The following PDE3B variants were observed in gnomAD, a reference collection of about 807,000 sequenced individuals.
PDE3B encodes cGMP-inhibited 3',5'-cyclic phosphodiesterase 3B.
A neutral mutation model predicts 116.8 loss-of-function variants in PDE3B; 66 were observed. The observed-to-expected ratio is 0.56, with a 90% CI of 0.46 to 0.69. The LOEUF (loss-of-function observed/expected upper bound fraction) is 0.69, where lower values mean the gene tolerates loss of function less well. Ranked by LOEUF, PDE3B falls within the 30% of genes least tolerant of loss-of-function variation. PDE3B has a pLI of 0.00. For missense variants in PDE3B, 1,384 were observed against 1,368.1 expected (o/e 1.01, Z -0.18); for synonymous variants, 595 against 533.6 (o/e 1.12, Z -1.59).
intron 1 of PDE3B, among the ~76,000 whole-genome samples, chr11:14,712,510 T>C (rs1229845785): frequency 1.5e-5 from 2 of 133,980 alleles, no homozygotes; most frequent in Non-Finnish European, 3.1e-5. Context: ...AGTCTTGTCC[T>C]GTTGCCTGTG....
At chr11:14,841,347 C>A (rs10160291) in intron 11 of PDE3B, among the ~76,000 whole-genome samples, 89,415 of 140,112 alleles carry the variant, frequency 0.64, 29,304 homozygotes, top group Non-Finnish European at 0.72. Context: ...CTCTCTCTCT[C>A]TATATATATA....
At chr11:14,762,004 G>C (rs1200097214) in intron 1 of PDE3B, among the ~76,000 whole-genome samples, 1 of 151,988 alleles carries the variant, frequency 6.6e-6, no homozygotes. Flanking sequence ...TTAATATGCA[G>C]TTCTAAAATA....
rs201824316 is a variant in PDE3B at position 14,665,671 on chromosome 11, G to A, written c.978+20618G>A. Among the ~76,000 whole-genome samples the A allele has an allele frequency of 3.9e-5, 6 of 152,230 alleles. No homozygotes were observed. In the East Asian group the frequency reaches 1.2e-3, roughly 29 times the overall value. ...CATGAGTGAACTCCCATTCACAATT[G>A]CTTCATTCACAATTTGATTCCTGGA... On this transcript the variant is annotated intron_variant, in intron 1 of 15. Transcript: ENST00000282096.
chr11:14,661,590 G>A (rs995934249), intron 1 of PDE3B, among the ~76,000 whole-genome samples: 4 of 152,140 alleles, frequency 2.6e-5, no homozygotes, highest in Non-Finnish European at 5.9e-5. Flanking sequence ...TGGAAAATCG[G>A]GTCACTCCCA....
At chr11:14,892,222 T>A in the PDE3B span, 1 of 1,606,106 alleles carries the variant, frequency 6.2e-7, no homozygotes, top group South Asian at 1.1e-5. Context: ...GAGCTGGAGG[T>A]GCGAACTCCA....
At chr11:14,674,039 C>CAAG in intron 1 of PDE3B, 1 of 1,498,808 alleles carries the variant, frequency 6.7e-7, no homozygotes, top group Non-Finnish European at 9.3e-7. Flanking sequence ...GTAATTAAGT[C>CAAG]CCAGTCATCA....
At chr11:14,690,758 G>T (rs1013110797) in intron 1 of PDE3B, among the ~76,000 whole-genome samples, 3 of 151,954 alleles carry the variant, frequency 2.0e-5, no homozygotes, top group African/African-American at 4.8e-5. Context: ...ATGCATTGGG[G>T]TAGCTAAGGA....
At chr11:14,716,332 G>A (rs530656218) in intron 1 of PDE3B, among the ~76,000 whole-genome samples, 1 of 152,106 alleles carries the variant, frequency 6.6e-6, no homozygotes, top group Non-Finnish European at 1.5e-5. Flanking sequence ...AGGCGGCAGC[G>A]AGGCTGGGGG....
At chr11:14,869,350 T>C in intron 15 of PDE3B, 111 bp from the exon 16 acceptor site, 1 of 652,800 alleles carries the variant, frequency 1.5e-6, no homozygotes, top group East Asian at 2.9e-5. Context: ...TTTATAGTAC[T>C]GTTTACTTTT....
the PDE3B span, among the ~76,000 whole-genome samples, chr11:14,877,173 G>A: frequency 6.6e-6 from 1 of 152,050 alleles, no homozygotes; most frequent in Non-Finnish European, 1.5e-5. Flanking sequence ...TTTGTTTAGG[G>A]CAGTCATAAT....
chr11:14,813,114 T>C (rs1467697611), intron 5 of PDE3B, among the ~76,000 whole-genome samples: 1 of 152,206 alleles, frequency 6.6e-6, no homozygotes, highest in Non-Finnish European at 1.5e-5. Context: ...AAATTTCTCT[T>C]ATTTATAAAA....
intron 12 of PDE3B, 132 bp downstream of exon 12, chr11:14,844,158 A>T: frequency 4.6e-6 from 3 of 650,750 alleles, no homozygotes; most frequent in Non-Finnish European, 8.1e-6. Flanking sequence ...ATTTTAATTA[A>T]TTGGATAACA....
chr11:14,687,783 G>C (rs561209923), intron 1 of PDE3B, among the ~76,000 whole-genome samples: 138 of 152,242 alleles, frequency 9.1e-4, no homozygotes, highest in African/African-American at 3.2e-3. Context: ...ATGACATACA[G>C]TTCTGTTTAT....
At chr11:14,766,231 A>G (rs779490548) in intron 1 of PDE3B, among the ~76,000 whole-genome samples, 1 of 151,714 alleles carries the variant, frequency 6.6e-6, no homozygotes, top group Non-Finnish European at 1.5e-5. Context: ...GGTTCATTGT[A>G]TATCGTCATA....
intron 1 of PDE3B, among the ~76,000 whole-genome samples, chr11:14,732,192 G>A (rs559689319): frequency 1.2e-4 from 19 of 152,202 alleles, no homozygotes; most frequent in Non-Finnish European, 7.4e-5. Context: ...AGGTGCAGGT[G>A]GGGGGCAGTA....
At chr11:14,721,116 A>G (rs1400356759) in intron 1 of PDE3B, among the ~76,000 whole-genome samples, 1 of 149,844 alleles carries the variant, frequency 6.7e-6, no homozygotes, top group African/African-American at 2.5e-5. Flanking sequence ...TGGGCAAAGG[A>G]CATGAACAGA....
intron 12 of PDE3B, among the ~76,000 whole-genome samples, chr11:14,855,519 G>A (rs782719629): frequency 7.9e-5 from 12 of 152,264 alleles, no homozygotes; most frequent in African/African-American, 9.6e-5. Context: ...TTTATTGGGT[G>A]CATATTGTGG....
chr11:14,735,289 A>G (rs1307146307), intron 1 of PDE3B, among the ~76,000 whole-genome samples: 2 of 152,222 alleles, frequency 1.3e-5, no homozygotes, highest in East Asian at 1.9e-4. Context: ...GATAGAAAGT[A>G]GAGGAATGTG....
chr11:14,690,452 A>C (rs1855012811), intron 1 of PDE3B, among the ~76,000 whole-genome samples: 1 of 152,176 alleles, frequency 6.6e-6, no homozygotes, highest in African/African-American at 2.4e-5. Flanking sequence ...AAAGTTATGC[A>C]AAAAATATGT....
Sources: gnomAD v4.1 joint callset for allele counts (sites outside exome capture counted in the v4.1 genomes callset) on GRCh38, gnomAD v4.1.1 for gene constraint, MANE v1.5 for transcripts, NCBI Gene and HGNC (gene_info 2026-07-23, HGNC 2026-07-21) for gene names.